Variants in GPC1 observed in about 807,000 individuals in gnomAD.
GPC1 encodes the protein glypican 1.
Under a neutral mutation model 51.5 loss-of-function variants are expected in GPC1, and 26 were observed. The observed-to-expected ratio is 0.50, with a 90% CI of 0.37 to 0.70. The LOEUF is 0.70. Among genes scored for constraint, GPC1 ranks in the 30% least tolerant of loss-of-function variants. The pLI is 0.00. For missense variants in GPC1, 775 were observed against 800.5 expected (o/e 0.97, Z 0.38); for synonymous variants, 380 against 348.3 (o/e 1.09, Z -1.01).
At chr2:240,452,875 G>A (rs2074113739) in intron 1 of GPC1, 2 of 225,376 alleles carry the variant, frequency 8.9e-6, no homozygotes, top group Non-Finnish European at 8.9e-6. Flanking sequence ...GCGCCCGGCG[G>A]ACCGCAGCCC....
intron 1 of GPC1, among the ~76,000 whole-genome samples, chr2:240,439,093 T>A (rs556727617): frequency 1.3e-5 from 2 of 152,280 alleles, no homozygotes; most frequent in Admixed American, 1.3e-4. Flanking sequence ...TGATGTCTGA[T>A]GTGATGTGAT....
chr2:240,435,791 C>T lies in GPC1; in HGVS notation c.-128C>T. The T allele has an allele frequency of 1.8e-6, 1 of 551,696 alleles. No individual in the cohort carries two copies. The highest frequency in any genetic ancestry group is 2.6e-6 in the Non-Finnish European group (1 of 381,192). 34.2% of individuals were successfully genotyped at this position (551,696 alleles called of 1,614,324 possible). A position where few individuals can be genotyped will look rare whatever the true frequency, so the allele number is the denominator to read the frequency against. On this transcript the variant is annotated 5_prime_UTR_variant, in exon 1 of 9. Coordinates refer to ENST00000264039, the MANE Select transcript of GPC1 (RefSeq NM_002081.3). ...TTGTCTCCGCCTCCTCGGCCGCCGC[C>T]GCCTCTGGACCGCGAGCCGCGCGCG...
At chr2:240,439,452 G>A (rs1162609781) in intron 1 of GPC1, among the ~76,000 whole-genome samples, 3 of 152,294 alleles carry the variant, frequency 2.0e-5, no homozygotes, top group East Asian at 1.9e-4. Flanking sequence ...CTGCCCAGCC[G>A]CTCCTGTGCC....
At chr2:240,437,281 C>A (rs1024696007) in intron 1 of GPC1, among the ~76,000 whole-genome samples, 5 of 152,140 alleles carry the variant, frequency 3.3e-5, no homozygotes, top group Non-Finnish European at 7.4e-5. Context: ...AGGAGGCAGT[C>A]GGGCTCTGGA....
chr2:240,441,104 C>T (rs1229258353), intron 1 of GPC1, among the ~76,000 whole-genome samples: 2 of 152,384 alleles, frequency 1.3e-5, no homozygotes, highest in East Asian at 3.9e-4. Context: ...TCTCTAGGGA[C>T]AGTGTGAGCC....
At chr2:240,456,780 T>G (rs1280921819) in intron 1 of GPC1, 1 of 364,088 alleles carries the variant, frequency 2.7e-6, no homozygotes, top group Non-Finnish European at 5.8e-6. Context: ...GGGGTGGGAC[T>G]GGGGCAGAAT....
chr2:240,457,959 T>C, intron 1 of GPC1: 2 of 447,846 alleles, frequency 4.5e-6, no homozygotes, highest in South Asian at 1.6e-5. Flanking sequence ...TGCTTCCACC[T>C]CTCCACTGTG....
rs182987723 is a variant in GPC1, at chr2:240,442,976, G to A, written c.166+6892G>A. Among the ~76,000 whole-genome samples, 16 of 152,360 alleles carry A rather than the reference G, an allele frequency of 1.1e-4. No homozygotes were observed. The East Asian group carries it at 2.5e-3, about 24-fold the overall frequency. On this transcript the variant is annotated intron_variant, in intron 1 of 8. Transcript: ENST00000264039. Reference sequence around the variant, plus strand: ...CACAGCCTGGTCCCCACAAGCCTGGGAGGCCTCAGCGTCAGGCCCTGCACA... The same window carrying A: ...CACAGCCTGGTCCCCACAAGCCTGGAAGGCCTCAGCGTCAGGCCCTGCACA...
rs928535411 is a variant in GPC1, at chr2:240,458,800, C to G, written c.167-230C>G. ...CAAGGGGCCTCCTGCCCTGTAGAGG[C>G]AGCCGTGCTCTTGTGTCACGTGTGG... On this transcript the variant is annotated intron_variant, in intron 1 of 8. Coordinates refer to ENST00000264039, the MANE Select transcript of GPC1 (RefSeq NM_002081.3). 3.9e-5 allele frequency: 21 copies of G among 534,150 alleles called. No homozygotes were observed. In the Admixed American group the frequency reaches 7.0e-4, roughly 18 times the overall value. The allele number at this position is 534,150 out of a possible 1,614,324, so 33.1% of individuals were successfully genotyped here. A position where few individuals can be genotyped will look rare whatever the true frequency, so the allele number is the denominator to read the frequency against.
At position 240,465,170 on chromosome 2, in the gene GPC1, G is replaced by A. The variant is rs746239232; in HGVS notation, c.1228G>A (p.Ala410Thr). The A allele has an allele frequency of 6.2e-7, 1 of 1,612,248 alleles. No individual in the cohort carries two copies. Among genetic ancestry groups the A allele is most frequent in the Middle Eastern group, 1.7e-4 (1 of 6,060 alleles). Residue 410 changes from alanine (A) to threonine (T), a missense_variant, in exon 7 of 9, where the codon GCC becomes ACC. Transcript: ENST00000264039. Reference sequence around the variant, plus strand: ...CAGTGAGAAGATGGCCCTGAGCACTGCCAGTGATGACCGCTGCTGGAACGG... The same window carrying A: ...CAGTGAGAAGATGGCCCTGAGCACTACCAGTGATGACCGCTGCTGGAACGG... ...LCSEKMALST[A>T]SDDRCWNGMA...
At chr2:240,464,812 G>C (rs545820733) in intron 5 of GPC1, 44 bp from the exon 6 acceptor site, 4 of 1,566,634 alleles carry the variant, frequency 2.6e-6, no homozygotes, top group East Asian at 4.7e-5. Context: ...CATTGGGCTT[G>C]AGGGGCCCCA....
At chr2:240,440,150 C>T (rs549102664) in intron 1 of GPC1, among the ~76,000 whole-genome samples, 2 of 152,304 alleles carry the variant, frequency 1.3e-5, no homozygotes, top group African/African-American at 4.8e-5. Context: ...TGTGTCCCCC[C>T]TCTCCCCGGA....
chr2:240,441,915 C>G (rs1243855745), intron 1 of GPC1, among the ~76,000 whole-genome samples: 1 of 152,182 alleles, frequency 6.6e-6, no homozygotes, highest in Non-Finnish European at 1.5e-5. Context: ...CTTGGCTGCC[C>G]TTGGCCCGCC....
intron 4 of GPC1, chr2:240,464,408 G>GCTGA: frequency 1.7e-6 from 1 of 592,094 alleles, no homozygotes; most frequent in Non-Finnish European, 3.0e-6. Flanking sequence ...CCGTGGCACA[G>GCTGA]GTGCACACGT....
chr2:240,445,565 T>C (rs1241886072), intron 1 of GPC1, among the ~76,000 whole-genome samples: 1 of 149,110 alleles, frequency 6.7e-6, no homozygotes, highest in Non-Finnish European at 1.5e-5. Context: ...AAGGGCAGAC[T>C]GTGGTGGCCA....
At chr2:240,446,567 C>T (rs534762208) in intron 1 of GPC1, among the ~76,000 whole-genome samples, 3 of 152,210 alleles carry the variant, frequency 2.0e-5, no homozygotes, top group African/African-American at 7.2e-5. Flanking sequence ...ACCCTAAAGA[C>T]CACTCCCTGG....
chr2:240,450,098 T>C (rs2151789230), intron 1 of GPC1: 1 of 339,352 alleles, frequency 2.9e-6, no homozygotes, highest in East Asian at 8.1e-5. Context: ...TCATTGTTTA[T>C]CTGAAATTCA....
In GPC1 at chr2:240,443,661, G is replaced by C. The variant is rs533183904; in HGVS notation, c.166+7577G>C. Among the ~76,000 whole-genome samples the C allele has an allele frequency of 3.9e-5, 6 of 152,332 alleles. No homozygotes were observed. The East Asian group carries it at 1.2e-3, about 29-fold the overall frequency. ...TGGGAGGTGAGGCCCAGCGGCATCT[G>C]TGAACTAGGCCTCCTGGTGGGCTCT... On this transcript the variant is annotated intron_variant, in intron 1 of 8. Transcript: ENST00000264039.
chr2:240,455,796 C>T (rs898110601), intron 1 of GPC1, among the ~76,000 whole-genome samples: 3 of 152,226 alleles, frequency 2.0e-5, no homozygotes, highest in African/African-American at 7.2e-5. Context: ...GAGCCGGCCT[C>T]TGCCATCTCA....
Sources: allele counts gnomAD v4.1 joint callset (sites outside exome capture counted in the v4.1 genomes callset), GRCh38; gene constraint gnomAD v4.1.1; transcripts MANE v1.5; gene names NCBI Gene and HGNC (gene_info 2026-07-23, HGNC 2026-07-21).